GPC5: variants seen among roughly 807,000 people sequenced by gnomAD.
GPC5 encodes glypican-5.
A neutral mutation model predicts 53.9 loss-of-function variants in GPC5; 47 were observed. The ratio of observed to expected loss-of-function variants is 0.87; its 90% CI spans 0.69 to 1.11. The LOEUF is 1.11. GPC5 is among the 50% of genes most tolerant of loss of function. The pLI is 0.00. For missense variants in GPC5, 748 were observed against 713.1 expected, an observed-to-expected ratio of 1.05 and a Z score of -0.56; for synonymous variants, 286 against 263.3, an observed-to-expected ratio of 1.09 and a Z score of -0.84.
At chr13:91,430,901 G>A (rs375255360) in intron 1 of GPC5, among the ~76,000 whole-genome samples, 1 of 152,128 alleles carries the variant, frequency 6.6e-6, no homozygotes, top group East Asian at 1.9e-4. Flanking sequence ...TTGAGACAGG[G>A]TCTCGCTGTG....
At chr13:92,601,920 A>G (rs1216946934) in intron 7 of GPC5, among the ~76,000 whole-genome samples, 1 of 151,432 alleles carries the variant, frequency 6.6e-6, no homozygotes, top group African/African-American at 2.4e-5. Context: ...ACCTTGAGTT[A>G]TTTCTATTAT....
At chr13:92,166,517 A>G (rs2042028764) in intron 7 of GPC5, among the ~76,000 whole-genome samples, 1 of 151,954 alleles carries the variant, frequency 6.6e-6, no homozygotes. Context: ...CCATCAGATA[A>G]AGACCACCGG....
intron 7 of GPC5, among the ~76,000 whole-genome samples, chr13:92,350,874 T>A (rs34139473): frequency 0.3 from 44,944 of 151,950 alleles, 6,858 homozygotes; most frequent in South Asian, 0.41. Flanking sequence ...AATAAGTCAC[T>A]TATAAAGGAA....
intron 2 of GPC5, among the ~76,000 whole-genome samples, chr13:91,510,150 T>C (rs1885159721): frequency 6.6e-6 from 1 of 152,152 alleles, no homozygotes; most frequent in South Asian, 2.1e-4. Context: ...ACATATATTA[T>C]TATTATTATG....
intron 2 of GPC5, among the ~76,000 whole-genome samples, chr13:91,491,633 G>A (rs1334593870): frequency 6.6e-6 from 1 of 152,118 alleles, no homozygotes; most frequent in Non-Finnish European, 1.5e-5. Context: ...GAAGTCAGCA[G>A]GACTTCTTGC....
At chr13:91,438,185 T>C (rs1880134736) in intron 1 of GPC5, among the ~76,000 whole-genome samples, 4 of 152,260 alleles carry the variant, frequency 2.6e-5, no homozygotes, top group Non-Finnish European at 4.4e-5. Flanking sequence ...TCTGTCCAGC[T>C]TTGTTCCATT....
At chr13:91,615,440 CCA>C (rs2033669410) in intron 2 of GPC5, among the ~76,000 whole-genome samples, 1 of 152,108 alleles carries the variant, frequency 6.6e-6, no homozygotes, top group Non-Finnish European at 1.5e-5. Context: ...TCACCTTTTG[CCA>C]CACCTAGTTT....
chr13:92,203,355 G>A (rs1376588013), intron 7 of GPC5, among the ~76,000 whole-genome samples: 1 of 147,380 alleles, frequency 6.8e-6, no homozygotes, highest in African/African-American at 2.5e-5. Context: ...GATGAAATTG[G>A]AAACCATCAT....
intron 7 of GPC5, among the ~76,000 whole-genome samples, chr13:92,351,316 TA>T (rs1456579302): frequency 6.6e-6 from 1 of 151,860 alleles, no homozygotes; most frequent in Non-Finnish European, 1.5e-5. Flanking sequence ...AAAAATTAGG[TA>T]AAATTGATAC....
At chr13:92,692,123 C>T (rs150985053) in intron 7 of GPC5, among the ~76,000 whole-genome samples, 2 of 152,206 alleles carry the variant, frequency 1.3e-5, no homozygotes, top group East Asian at 3.9e-4. Context: ...TGAGAAATTA[C>T]TGTATTTATC....
chr13:91,636,902 G>A (rs2034299496), intron 2 of GPC5, among the ~76,000 whole-genome samples: 1 of 152,172 alleles, frequency 6.6e-6, no homozygotes, highest in African/African-American at 2.4e-5. Flanking sequence ...AGGCTGTAGT[G>A]AGCTATGATC....
At chr13:92,116,846 T>G (rs554194416) in intron 6 of GPC5, among the ~76,000 whole-genome samples, 1 of 152,358 alleles carries the variant, frequency 6.6e-6, no homozygotes, top group Non-Finnish European at 1.5e-5. Flanking sequence ...TATCAATATT[T>G]TGTAATTGAA....
chr13:92,683,287 G>T (rs1887162162), intron 7 of GPC5, among the ~76,000 whole-genome samples: 1 of 152,196 alleles, frequency 6.6e-6, no homozygotes, highest in Non-Finnish European at 1.5e-5. Flanking sequence ...CAAAGGGTTT[G>T]CCAGACAGTC....
intron 6 of GPC5, among the ~76,000 whole-genome samples, chr13:92,036,018 C>T (rs950050255): frequency 1.3e-5 from 2 of 152,066 alleles, no homozygotes; most frequent in South Asian, 2.1e-4. Flanking sequence ...CAAACTGGCC[C>T]CCGGGGTTGT....
At chr13:92,716,110 G>A (rs9523789) in intron 7 of GPC5, among the ~76,000 whole-genome samples, 22,131 of 152,030 alleles carry the variant, frequency 0.15, 1,974 homozygotes, top group Non-Finnish European at 0.21. Flanking sequence ...ATCAGTGAAC[G>A]TGGCAAGAGT....
chr13:92,371,080 G>A (rs1023440978), intron 7 of GPC5, among the ~76,000 whole-genome samples: 10 of 152,166 alleles, frequency 6.6e-5, no homozygotes, highest in African/African-American at 2.4e-4. Flanking sequence ...AACCCAGGAG[G>A]CGGAAGTTGC....
chr13:92,453,687 GA>G (rs1160227750), intron 7 of GPC5, among the ~76,000 whole-genome samples: 1 of 151,874 alleles, frequency 6.6e-6, no homozygotes, highest in East Asian at 1.9e-4. Context: ...TCTCTCTTAC[GA>G]AAAAAATAAT....
At chr13:92,350,447 C>A (rs375815607) in intron 7 of GPC5, among the ~76,000 whole-genome samples, 26 of 152,202 alleles carry the variant, frequency 1.7e-4, no homozygotes, top group African/African-American at 4.6e-4. Context: ...CACAGAAAGG[C>A]AAATACATGT....
chr13:92,696,097 T>C (rs1887548703), intron 7 of GPC5, among the ~76,000 whole-genome samples: 1 of 152,194 alleles, frequency 6.6e-6, no homozygotes, highest in South Asian at 2.1e-4. Context: ...CAGTCTATCG[T>C]TGATGGGCAT....
Sources: allele counts gnomAD v4.1 joint callset (sites outside exome capture counted in the v4.1 genomes callset), GRCh38; gene constraint gnomAD v4.1.1; transcripts MANE v1.5; gene names NCBI Gene and HGNC (gene_info 2026-07-23, HGNC 2026-07-21).